The following CHN1 variants were observed in gnomAD, a reference collection of about 807,000 sequenced individuals.
The protein encoded by CHN1 is chimerin 1, also known as N-chimaerin.
A neutral mutation model predicts 59.5 loss-of-function variants in CHN1; 37 were observed. That is an observed-to-expected ratio of 0.62 (90% CI 0.48 to 0.82). CHN1 has a LOEUF of 0.82. Ranked by LOEUF, CHN1 falls within the 40% of genes least tolerant of loss-of-function variation. CHN1 has a pLI of 0.00. For missense variants in CHN1, 469 were observed against 571.0 expected (o/e 0.82, Z 1.82); for synonymous variants, 206 against 200.4 (o/e 1.03, Z -0.24).
intron 1 of CHN1, 47 bp downstream of exon 1, chr2:175,004,847 C>G (rs759004838): frequency 1.5e-6 from 2 of 1,307,420 alleles, no homozygotes; most frequent in Non-Finnish European, 2.0e-6. Flanking sequence ...CCCCGAGCCC[C>G]GGGACGCGGC....
In CHN1 at chr2:174,812,360, T is replaced by C; in HGVS notation, c.835A>G (p.Thr279Ala). Residue 279 changes from threonine to alanine, a missense_variant, in exon 9 of 13, where the codon ACT becomes GCT. Thr to Ala is a moderately conservative substitution (Grantham distance 58). Coordinates refer to ENST00000409900, the MANE Select transcript of CHN1 (RefSeq NM_001822.7). ...ATGTCTACCACCATTGGCCGCTTAG[T>C]GGTATGTGCTTTCACGAGCGTCGTA... ...DLTTLVKAHTTKRPMVVDMCI... is the reference protein window; with the variant it reads ...DLTTLVKAHTAKRPMVVDMCI... The C allele has an allele frequency of 6.2e-7, 1 of 1,613,950 alleles. No homozygotes were observed.
chr2:174,846,341 G>A (rs752132418), intron 7 of CHN1: 2 of 1,549,316 alleles, frequency 1.3e-6, no homozygotes, highest in African/African-American at 2.7e-5. Context: ...CTCAAAAAGT[G>A]AGGAGAAGCT....
intron 1 of CHN1, among the ~76,000 whole-genome samples, chr2:174,994,287 T>C (rs183235860): frequency 2.6e-5 from 4 of 152,260 alleles, no homozygotes; most frequent in African/African-American, 7.2e-5. Context: ...TATTAGAATA[T>C]AGAACCAAGG....
intron 1 of CHN1, among the ~76,000 whole-genome samples, chr2:174,969,872 GT>G (rs1286912556): frequency 3.9e-5 from 6 of 152,244 alleles, no homozygotes; most frequent in African/African-American, 1.4e-4. Context: ...AGTGTGGTCT[GT>G]AAACACTTGT....
chr2:174,985,503 G>C (rs894555878), intron 1 of CHN1, among the ~76,000 whole-genome samples: 2 of 151,944 alleles, frequency 1.3e-5, no homozygotes, highest in South Asian at 2.1e-4. Flanking sequence ...AGTTACTTTA[G>C]AGCAATTACT....
At chr2:174,802,683 CAAAA>C (rs1290176238) in intron 11 of CHN1, among the ~76,000 whole-genome samples, 1 of 152,136 alleles carries the variant, frequency 6.6e-6, no homozygotes, top group African/African-American at 2.4e-5. Flanking sequence ...TCTGCGATCT[CAAAA>C]AAGAGCACCA....
chr2:174,812,097 C>A, intron 9 of CHN1: 1 of 400,356 alleles, frequency 2.5e-6, no homozygotes. Flanking sequence ...TATACAAGCA[C>A]ATTGGCTACA....
In CHN1 at chr2:174,800,050, C is replaced by A; in HGVS notation, c.*66G>T. 1 of 1,408,698 alleles carries A rather than the reference C, an allele frequency of 7.1e-7. No homozygotes were observed. The highest frequency in any genetic ancestry group is 9.8e-7 in the Non-Finnish European group (1 of 1,022,842). The allele number at this position is 1,408,698 out of a possible 1,614,324, so 87.3% of individuals were successfully genotyped here. On this transcript the variant is annotated 3_prime_UTR_variant, in exon 13 of 13. Transcript: ENST00000409900. The stretch of plus-strand genomic sequence containing the variant: ...TCAAGAAATAATGCAGCTACAGGAG[C>A]AAATTAAATTACTATAAAACATTCC...
At chr2:174,991,956 T>C (rs1691559472) in intron 1 of CHN1, among the ~76,000 whole-genome samples, 2 of 152,290 alleles carry the variant, frequency 1.3e-5, no homozygotes, top group Admixed American at 6.5e-5. Context: ...CTAGAAAAGA[T>C]GACAAAAATA....
intron 8 of CHN1, among the ~76,000 whole-genome samples, chr2:174,822,690 T>C (rs1270844026): frequency 6.6e-6 from 1 of 152,254 alleles, no homozygotes; most frequent in Non-Finnish European, 1.5e-5. Flanking sequence ...CATCTGCCTT[T>C]GTGAAACTGC....
At chr2:174,840,186 T>TC (rs1686245040) in intron 7 of CHN1, among the ~76,000 whole-genome samples, 1 of 136,426 alleles carries the variant, frequency 7.3e-6, no homozygotes, top group Non-Finnish European at 1.5e-5. Flanking sequence ...TTTTTTTTTT[T>TC]GAGATGGGGT....
At chr2:174,801,873 T>C (rs1684733478) in intron 11 of CHN1, 61 bp from the exon 12 acceptor site, 3 of 1,187,630 alleles carry the variant, frequency 2.5e-6, no homozygotes. Flanking sequence ...TACAAATGGT[T>C]CACTGAATTC....
intron 8 of CHN1, among the ~76,000 whole-genome samples, chr2:174,815,248 G>A (rs1685205848): frequency 6.6e-6 from 1 of 151,990 alleles, no homozygotes; most frequent in African/African-American, 2.4e-5. Context: ...GTGGTGGTGT[G>A]CGCCTGTAGT....
At chr2:174,886,287 T>A (rs1447500766) in intron 5 of CHN1, among the ~76,000 whole-genome samples, 1 of 152,246 alleles carries the variant, frequency 6.6e-6, no homozygotes, top group Non-Finnish European at 1.5e-5. Context: ...ATATGTGGAA[T>A]ACAATTTAAC....
intron 5 of CHN1, among the ~76,000 whole-genome samples, chr2:174,908,443 C>T (rs947912118): frequency 6.6e-6 from 1 of 152,148 alleles, no homozygotes; most frequent in Non-Finnish European, 1.5e-5. Flanking sequence ...CAATGACTCC[C>T]ATTTCCTACA....
chr2:174,943,054 A>T (rs1036443847), intron 3 of CHN1, among the ~76,000 whole-genome samples: 1 of 152,134 alleles, frequency 6.6e-6, no homozygotes, highest in African/African-American at 2.4e-5. Flanking sequence ...TATCTAAAAA[A>T]AAAAATAAAA....
At chr2:174,948,978 T>C (rs558503357) in intron 2 of CHN1, among the ~76,000 whole-genome samples, 10 of 152,318 alleles carry the variant, frequency 6.6e-5, no homozygotes, top group Admixed American at 3.3e-4. Context: ...TGGCCTAAGA[T>C]TGTCATGGCT....
chr2:174,819,991 A>G (rs1376303461), intron 8 of CHN1, among the ~76,000 whole-genome samples: 3 of 151,814 alleles, frequency 2.0e-5, no homozygotes, highest in Non-Finnish European at 2.9e-5. Flanking sequence ...AAAGGACATG[A>G]ACTCATTATT....
At chr2:174,863,210 T>C (rs1447875568) in intron 6 of CHN1, among the ~76,000 whole-genome samples, 1 of 152,166 alleles carries the variant, frequency 6.6e-6, no homozygotes, top group Non-Finnish European at 1.5e-5. Context: ...AACCAATATT[T>C]TACAAGTGAT....
Sources: allele counts gnomAD v4.1 joint callset (sites outside exome capture counted in the v4.1 genomes callset), GRCh38; gene constraint gnomAD v4.1.1; transcripts MANE v1.5; gene names NCBI Gene and HGNC (gene_info 2026-07-23, HGNC 2026-07-21).